Variants in PTCH1 observed in about 807,000 individuals in gnomAD.
The protein encoded by PTCH1 is protein patched homolog 1.
Under a neutral mutation model 144.6 loss-of-function variants are expected in PTCH1, and 14 were observed. The observed-to-expected ratio is 0.10, with a 90% CI of 0.06 to 0.15. PTCH1 has a LOEUF of 0.15. Among genes scored for constraint, PTCH1 ranks in the 10% least tolerant of loss-of-function variants. PTCH1 has a pLI of 1.00. For missense variants in PTCH1, 1,623 were observed against 1,948.3 expected (o/e 0.83, Z 3.14); for synonymous variants, 833 against 793.6 (o/e 1.05, Z -0.83).
chr9:95,453,701 C>T (rs1294766559), intron 19 of PTCH1, 81 bp from the exon 20 acceptor site: 2 of 1,568,232 alleles, frequency 1.3e-6, no homozygotes, highest in East Asian at 4.5e-5. Context: ...ATGTTACAAG[C>T]TCTCAGAACT....
chr9:95,495,735 G>C (rs910175689), intron 2 of PTCH1, among the ~76,000 whole-genome samples: 3 of 152,124 alleles, frequency 2.0e-5, no homozygotes, highest in African/African-American at 7.3e-5. Flanking sequence ...GGGCAGGAGA[G>C]TGGTGGAGGG....
At chr9:95,514,647 T>TGTGTGTGTGTGAGAGA (rs56689083) in intron 1 of PTCH1, 42 of 148,924 alleles carry the variant, frequency 2.8e-4, no homozygotes, top group African/African-American at 1.1e-3. Context: ...TGTGTGTGTG[T>TGTGTGTGTGTGAGAGA]GAGAGAGAGA....
Position 95,464,262 on chromosome 9 carries a change from A to G in PTCH1, c.2561-2264T>C, listed in dbSNP as rs559082891. Among the ~76,000 whole-genome samples, 8 of 152,358 alleles carry G rather than the reference A, an allele frequency of 5.3e-5. No homozygotes were observed. In the South Asian group the frequency reaches 1.5e-3, roughly 28 times the overall value. On this transcript the variant is annotated intron_variant, in intron 15 of 23. Coordinates refer to ENST00000331920, the MANE Select transcript of PTCH1 (RefSeq NM_000264.5). ...AGTAACAAGGGGCTGGCCTAAGCAC[A>G]TGTACAAGGTACGACCCTGGATACA...
intron 13 of PTCH1, 171 bp from the exon 14 acceptor site, chr9:95,469,324 T>G: frequency 2.2e-6 from 2 of 924,908 alleles, no homozygotes; most frequent in Admixed American, 4.1e-5. Context: ...TAACATCACC[T>G]GGTTCATCGC....
chr9:95,462,650 A>G (rs1168162686), intron 15 of PTCH1, among the ~76,000 whole-genome samples: 1 of 152,212 alleles, frequency 6.6e-6, no homozygotes, highest in African/African-American at 2.4e-5. Flanking sequence ...AAGGAAGGGA[A>G]GGCGCTCGTG....
chr9:95,460,214 T>C (rs1300530134), intron 16 of PTCH1, among the ~76,000 whole-genome samples: 1 of 152,198 alleles, frequency 6.6e-6, no homozygotes, highest in Non-Finnish European at 1.5e-5. Context: ...AGGAGAGCTA[T>C]AAAAATAAAA....
At chr9:95,451,069 G>A (rs1199846675) in intron 20 of PTCH1, 1 of 152,180 alleles carries the variant, frequency 6.6e-6, no homozygotes, top group Non-Finnish European at 1.5e-5. Flanking sequence ...GGCAACCAGT[G>A]CTGCCATGTC....
At position 95,480,504 on chromosome 9, in the gene PTCH1, G is replaced by C. The variant is rs773794742; in HGVS notation, c.831C>G (p.Ser277Arg). The change falls in exon 6 of 24, where the codon AGC becomes AGG. Residue 277 changes from serine to arginine, a missense_variant. Around this residue, in one of 7 missense-constraint regions of PTCH1, gnomAD observed 230 missense variants for 271.0 expected, o/e 0.85. Coordinates refer to ENST00000331920, the MANE Select transcript of PTCH1 (RefSeq NM_000264.5). ...CAGCCTTATTCAGCATTTCCTCCCA[G>C]CTGTCCACTTGATAGTTTATTTTCT... ...ELKKINYQVD[S>R]WEEMLNKAEV... 1.2e-6 allele frequency: 2 copies of C among 1,612,978 alleles called. No homozygotes were observed. Among genetic ancestry groups the C allele is most frequent in the Non-Finnish European group, 1.7e-6 (2 of 1,179,904 alleles).
rs550963227 is a variant in PTCH1 at position 95,509,136 on chromosome 9, G to A, written c.-775C>T. 1.3e-5 allele frequency among the ~76,000 whole-genome samples: 2 copies of A among 152,244 alleles called. No homozygotes were observed. The highest frequency in any genetic ancestry group is 1.3e-4 in the Admixed American group (2 of 15,304). ...CGCCTCTCTCGCTCCCGGGACCTGG[G>A]GACTCCGCTCTGTGTGTGTGCAGCG... On this transcript the variant is annotated 5_prime_UTR_variant, in exon 1 of 24. Transcript: ENST00000331920.
chr9:95,494,203 C>A (rs1311830265), intron 2 of PTCH1: 1 of 985,496 alleles, frequency 1.0e-6, no homozygotes, highest in Non-Finnish European at 1.2e-6. Flanking sequence ...GCTGGCAGTG[C>A]CATCTGTTAT....
At chr9:95,506,667 C>T in intron 1 of PTCH1, 68 bp from the exon 2 acceptor site, 4 of 1,421,584 alleles carry the variant, frequency 2.8e-6, no homozygotes, top group South Asian at 1.5e-5. Context: ...CGCCCGCTTG[C>T]GCGCACCCGC....
chr9:95,498,218 T>A (rs371352079), intron 2 of PTCH1, among the ~76,000 whole-genome samples: 1 of 152,322 alleles, frequency 6.6e-6, no homozygotes, highest in Non-Finnish European at 1.5e-5. Flanking sequence ...CGAACAATAA[T>A]AAATAAAGCT....
At chr9:95,474,868 CTG>C (rs1655502591) in intron 12 of PTCH1, among the ~76,000 whole-genome samples, 1 of 152,152 alleles carries the variant, frequency 6.6e-6, no homozygotes, top group South Asian at 2.1e-4. Context: ...TAGAGTAAAG[CTG>C]TGTGAGTGTG....
In PTCH1 at chr9:95,476,142, G is replaced by A. The variant is rs1841017295; in HGVS notation, c.1620C>T (p.Cys540=). The A allele has an allele frequency of 6.2e-7, 1 of 1,612,584 alleles. No homozygotes were observed. ...RIPFEDRTGE[C]LKRTGASVAL... ...CCACGCTGGCTCCTGTGCGCTTCAGGCACTCCCCGGTCCTGTCCTGGGAAT... is the reference window on the plus strand; with the variant it reads ...CCACGCTGGCTCCTGTGCGCTTCAGACACTCCCCGGTCCTGTCCTGGGAAT... The change falls in exon 12 of 24, where the codon TGC becomes TGT. Residue 540 remains cysteine, a synonymous_variant. Coordinates refer to ENST00000331920, the MANE Select transcript of PTCH1 (RefSeq NM_000264.5). The surrounding 1 kb of genome is among the most constrained non-coding windows in gnomAD (Gnocchi z 4.6).
At chr9:95,481,872 A>T in intron 5 of PTCH1, 77 bp downstream of exon 5, 1 of 1,320,840 alleles carries the variant, frequency 7.6e-7, no homozygotes, top group Non-Finnish European at 1.1e-6. Flanking sequence ...GAAATGGAAC[A>T]AACAATGATA....
In PTCH1 at chr9:95,449,632, C is replaced by T; in HGVS notation, c.3549+209G>A. The T allele has an allele frequency of 1.5e-6, 1 of 655,564 alleles. No individual in the cohort carries two copies. The allele number at this position is 655,564 out of a possible 1,614,324, so 40.6% of individuals were successfully genotyped here. A position where few individuals can be genotyped will look rare whatever the true frequency, so the allele number is the denominator to read the frequency against. ...ATAAAGATCTGTAAGACCCAGGCTGCCAATCAGTTGATTTAGAGGAACCAA... is the reference window on the plus strand; with the variant it reads ...ATAAAGATCTGTAAGACCCAGGCTGTCAATCAGTTGATTTAGAGGAACCAA... On this transcript the variant is annotated intron_variant, in intron 21 of 23. Coordinates refer to ENST00000331920, the MANE Select transcript of PTCH1 (RefSeq NM_000264.5). This position sits in a 1 kb window ranked among gnomAD's most constrained non-coding sequence, Gnocchi z 5.3.
chr9:95,486,670 A>G (rs1210177291), intron 2 of PTCH1, among the ~76,000 whole-genome samples: 1 of 152,256 alleles, frequency 6.6e-6, no homozygotes, highest in African/African-American at 2.4e-5. Flanking sequence ...GGGTATGCCC[A>G]AAGCCAGCGC....
Position 95,459,846 on chromosome 9 carries a change from T to C in PTCH1, c.2704-63A>G. 1.9e-6 allele frequency: 3 copies of C among 1,549,974 alleles called. No homozygotes were observed. The South Asian group carries it at 3.4e-5, about 17-fold the overall frequency. On this transcript the variant is annotated intron_variant, in intron 16 of 23. Coordinates refer to ENST00000331920, the MANE Select transcript of PTCH1 (RefSeq NM_000264.5). ...GGTTGGGGGTAAACACACTTCTGCC[T>C]TGAGAGCACAGAAGCTGAGCTTCGC... is the stretch of plus-strand genomic sequence containing the variant.
At chr9:95,471,695 G>A (rs533675508) in intron 12 of PTCH1, among the ~76,000 whole-genome samples, 1 of 152,340 alleles carries the variant, frequency 6.6e-6, no homozygotes, top group East Asian at 1.9e-4. Context: ...GGGGTGGAGG[G>A]GTGGTCAGTC....
Sources: allele counts gnomAD v4.1 joint callset (sites outside exome capture counted in the v4.1 genomes callset), GRCh38; gene constraint gnomAD v4.1.1; regional missense constraint gnomAD v4.1.1; non-coding constraint Gnocchi (gnomAD v3.1); transcripts MANE v1.5; gene names NCBI Gene and HGNC (gene_info 2026-07-23, HGNC 2026-07-21).